Variants in ZFHX3 observed in about 807,000 individuals in gnomAD.
The protein encoded by ZFHX3 is zinc finger homeobox 3.
In ZFHX3, 42 loss-of-function variants were observed where a neutral mutation model predicts 279.1. The ratio of observed to expected loss-of-function variants is 0.15; its 90% CI spans 0.12 to 0.19. ZFHX3 has a LOEUF of 0.19. Among genes scored for constraint, ZFHX3 ranks in the 10% least tolerant of loss-of-function variants. The pLI is 1.00. For missense variants in ZFHX3, 4,981 were observed against 4,754.0 expected, an observed-to-expected ratio of 1.05 and a Z score of -1.40; for synonymous variants, 2,293 against 1,957.8, an observed-to-expected ratio of 1.17 and a Z score of -4.52.
At chr16:73,011,628 G>A (rs997593077) in intron 1 of ZFHX3, among the ~76,000 whole-genome samples, 1 of 151,984 alleles carries the variant, frequency 6.6e-6, no homozygotes, top group Non-Finnish European at 1.5e-5. Context: ...GGAGGCTGAG[G>A]CAGGAGAATC....
chr16:73,546,704 CTG>C (rs2143762237), intron 2 of ZFHX3, among the ~76,000 whole-genome samples: 1 of 117,278 alleles, frequency 8.5e-6, no homozygotes, highest in Admixed American at 9.4e-5. Flanking sequence ...GCTGCTGCTG[CTG>C]CTGCTGCTGC....
intron 1 of ZFHX3, among the ~76,000 whole-genome samples, chr16:72,991,040 T>C (rs187554932): frequency 3.0e-4 from 45 of 151,740 alleles, no homozygotes; most frequent in African/African-American, 1.0e-3. Context: ...AGAAGTCCTA[T>C]ACACAGCATA....
chr16:73,447,494 T>G (rs1479439548), intron 3 of ZFHX3, among the ~76,000 whole-genome samples: 1 of 152,146 alleles, frequency 6.6e-6, no homozygotes, highest in Non-Finnish European at 1.5e-5. Flanking sequence ...TATAGGCATC[T>G]TGGGTGGAGT....
intron 3 of ZFHX3, among the ~76,000 whole-genome samples, chr16:73,454,246 G>A (rs1231431947): frequency 1.3e-5 from 2 of 152,168 alleles, no homozygotes; most frequent in African/African-American, 4.8e-5. Flanking sequence ...TATGCACCAT[G>A]TCTTTGTCTC....
chr16:73,723,962 C>A (rs2053497564), intron 1 of ZFHX3, among the ~76,000 whole-genome samples: 1 of 152,130 alleles, frequency 6.6e-6, no homozygotes, highest in Non-Finnish European at 1.5e-5. Flanking sequence ...CATAGTAGAT[C>A]GCCTTTGGTC....
chr16:73,169,824 C>T (rs1404120952), intron 5 of ZFHX3, among the ~76,000 whole-genome samples: 3 of 152,152 alleles, frequency 2.0e-5, no homozygotes, highest in Non-Finnish European at 4.4e-5. Flanking sequence ...AGTAATCCTT[C>T]AGGTCTTAGA....
rs745415337 is a variant in ZFHX3, at chr16:72,794,421, C to T, written c.8261G>A (p.Cys2754Tyr). ...TCCTTTCATCTGGAGTCCCCCATCA[C>T]AGTCTAAGAGCATCGCAGACAGAGT... Reference protein sequence around the residue: ...NLTLSAMLLDCDGGLQMKGDI... With the variant: ...NLTLSAMLLDYDGGLQMKGDI... Residue 2754 changes from cysteine to tyrosine, a missense_variant, in exon 9 of 10, where the codon TGT (cysteine) becomes TAT (tyrosine). Physicochemically the swap from Cys to Tyr is radical, Grantham distance 194. This residue lies in a region of ZFHX3 where 744 missense variants were observed against 701.3 expected (regional missense o/e 1.06). Transcript: ENST00000268489. This position sits in a 1 kb window ranked among gnomAD's most constrained non-coding sequence, Gnocchi z 4.2. The T allele has an allele frequency of 1.9e-6, 3 of 1,612,044 alleles. No individual in the cohort carries two copies. The highest frequency in any genetic ancestry group is 1.1e-5 in the South Asian group (1 of 90,810).
At chr16:73,724,651 T>C (rs1404362820) in intron 1 of ZFHX3, among the ~76,000 whole-genome samples, 1 of 152,230 alleles carries the variant, frequency 6.6e-6, no homozygotes, top group East Asian at 1.9e-4. Flanking sequence ...ACATTCTGTC[T>C]AGGGCACTGG....
intron 3 of ZFHX3, among the ~76,000 whole-genome samples, chr16:72,895,878 TAGATAGATAGATAGAC>T (rs1285908971): frequency 6.6e-6 from 1 of 151,952 alleles, no homozygotes; most frequent in Non-Finnish European, 1.5e-5. Flanking sequence ...TTAGACTAGA[TAGATAGATAGATAGAC>T]GGATAGATAG....
intron 3 of ZFHX3, among the ~76,000 whole-genome samples, chr16:72,916,172 T>G (rs540476225): frequency 3.0e-4 from 46 of 152,194 alleles, no homozygotes; most frequent in Non-Finnish European, 4.9e-4. Context: ...GACTCTTCAC[T>G]TCCCCCCCCT....
At chr16:73,276,476 T>A (rs2014306050) in intron 4 of ZFHX3, among the ~76,000 whole-genome samples, 1 of 152,128 alleles carries the variant, frequency 6.6e-6, no homozygotes, top group Admixed American at 6.6e-5. Flanking sequence ...TGAGCCACTG[T>A]GCCCAGCCCC....
intron 2 of ZFHX3, among the ~76,000 whole-genome samples, chr16:73,590,387 T>C (rs1389480776): frequency 6.6e-6 from 1 of 152,154 alleles, no homozygotes; most frequent in African/African-American, 2.4e-5. Context: ...AAGATGAGCA[T>C]GGGACATGTT....
intron 5 of ZFHX3, among the ~76,000 whole-genome samples, chr16:73,242,841 G>A (rs753907013): frequency 1.3e-5 from 2 of 152,224 alleles, no homozygotes; most frequent in African/African-American, 4.8e-5. Flanking sequence ...TGCCATCAGT[G>A]TGGAGGTGTG....
intron 1 of ZFHX3, among the ~76,000 whole-genome samples, chr16:73,687,771 C>T (rs1305247707): frequency 6.9e-6 from 1 of 144,692 alleles, no homozygotes; most frequent in Non-Finnish European, 1.5e-5. Context: ...TCTCTTGAAC[C>T]CAGGAGGCAG....
chr16:73,268,935 G>C (rs1389512234), intron 4 of ZFHX3, among the ~76,000 whole-genome samples: 1 of 152,234 alleles, frequency 6.6e-6, no homozygotes, highest in African/African-American at 2.4e-5. Flanking sequence ...CAGAAGCTTG[G>C]TCTACAGCAG....
At chr16:73,603,272 G>A (rs1470754945) in intron 2 of ZFHX3, among the ~76,000 whole-genome samples, 51 of 146,880 alleles carry the variant, frequency 3.5e-4, no homozygotes, top group African/African-American at 7.0e-4. Flanking sequence ...GCAACAGAGC[G>A]AGACTCCATC....
intron 1 of ZFHX3, among the ~76,000 whole-genome samples, chr16:73,782,607 C>G (rs69180): frequency 6.6e-6 from 1 of 152,094 alleles, no homozygotes; most frequent in African/African-American, 2.4e-5. Flanking sequence ...CTGTGGCTCC[C>G]CTTGTGGTTA....
intron 1 of ZFHX3, among the ~76,000 whole-genome samples, chr16:73,870,921 AT>A (rs1334072284): frequency 1.3e-5 from 2 of 152,190 alleles, no homozygotes; most frequent in South Asian, 2.1e-4. Flanking sequence ...TCAATGGGCA[AT>A]TTTTTTAATC....
At chr16:73,143,413 CT>C (rs1453483132) in intron 6 of ZFHX3, among the ~76,000 whole-genome samples, 11 of 152,124 alleles carry the variant, frequency 7.2e-5, no homozygotes, top group African/African-American at 2.2e-4. Context: ...GGTGAAATTG[CT>C]TTTTTCTTCT....
Sources: allele counts gnomAD v4.1 joint callset (sites outside exome capture counted in the v4.1 genomes callset), GRCh38; gene constraint gnomAD v4.1.1; regional missense constraint gnomAD v4.1.1; non-coding constraint Gnocchi (gnomAD v3.1); transcripts MANE v1.5; gene names NCBI Gene and HGNC (gene_info 2026-07-23, HGNC 2026-07-21).